UQCC1: variants seen among roughly 807,000 people sequenced by gnomAD.
The protein encoded by UQCC1 is ubiquinol-cytochrome c reductase complex assembly factor 1, also known as bFGF-repressed Zic-binding protein.
Under a neutral mutation model 48.0 loss-of-function variants are expected in UQCC1, and 38 were observed. That is an observed-to-expected ratio of 0.79 (90% CI 0.61 to 1.04). The LOEUF (loss-of-function observed/expected upper bound fraction) is 1.04. Among genes scored for constraint, UQCC1 ranks in the 50% least tolerant of loss-of-function variants. The pLI is 0.00. For synonymous variants in UQCC1, 111 were observed against 129.2 expected (o/e 0.86, Z 0.95); for missense variants, 368 against 381.8 (o/e 0.96, Z 0.30).
At chr20:35,371,722 C>T (rs1203673541) in intron 5 of UQCC1, among the ~76,000 whole-genome samples, 2 of 111,380 alleles carry the variant, frequency 1.8e-5, no homozygotes, top group African/African-American at 6.5e-5. Context: ...AAAAAAAAAA[C>T]AGGCTGGGCA....
At chr20:35,389,309 T>C (rs1412407898) in intron 2 of UQCC1, among the ~76,000 whole-genome samples, 1 of 152,054 alleles carries the variant, frequency 6.6e-6, no homozygotes, top group Non-Finnish European at 1.5e-5. Context: ...TGCTTATAAT[T>C]TGCACCTCTC....
intron 1 of UQCC1, among the ~76,000 whole-genome samples, chr20:35,400,627 C>T (rs1374555637): frequency 6.6e-6 from 1 of 152,000 alleles, no homozygotes; most frequent in Non-Finnish European, 1.5e-5. Context: ...TCCCAAGTAG[C>T]TGGGACTACA....
intron 1 of UQCC1, among the ~76,000 whole-genome samples, chr20:35,406,511 T>G (rs563456195): frequency 3.3e-4 from 50 of 152,278 alleles, no homozygotes; most frequent in African/African-American, 1.2e-3. Context: ...AAAACTATTA[T>G]TCAAAAGTGA....
At chr20:35,328,259 C>T (rs2061219013) in intron 7 of UQCC1, among the ~76,000 whole-genome samples, 1 of 152,124 alleles carries the variant, frequency 6.6e-6, no homozygotes. Flanking sequence ...ATTTTGGGCC[C>T]CAACAGCCCT....
chr20:35,319,528 T>A (rs1325075804), intron 7 of UQCC1, among the ~76,000 whole-genome samples: 2 of 152,118 alleles, frequency 1.3e-5, no homozygotes, highest in African/African-American at 2.4e-5. Context: ...ACTTAACACA[T>A]ACTACAAATA....
intron 1 of UQCC1, among the ~76,000 whole-genome samples, chr20:35,410,471 G>T (rs2146559121): frequency 6.6e-6 from 1 of 150,858 alleles, no homozygotes; most frequent in Non-Finnish European, 1.5e-5. Flanking sequence ...GGCAGAGGTT[G>T]CAGTGAGCCG....
chr20:35,382,037 A>G lies in UQCC1; in HGVS notation c.226-12T>C, dbSNP rs2061876239. ...TTGGTAGTAGAAAGCTGATTAACCA[A>G]AAAGAAAAAAACTAAAATTAGTTGC... On this transcript the variant is annotated splice_polypyrimidine_tract_variant and intron_variant, in intron 3 of 9. Transcript: ENST00000374385. 1 of 1,561,850 alleles carries G rather than the reference A, an allele frequency of 6.4e-7. No individual in the cohort carries two copies. Among genetic ancestry groups the G allele is most frequent in the East Asian group, 2.2e-5 (1 of 44,664 alleles).
chr20:35,326,551 G>A (rs1349232363), intron 7 of UQCC1, among the ~76,000 whole-genome samples: 1 of 152,080 alleles, frequency 6.6e-6, no homozygotes, highest in African/African-American at 2.4e-5. Flanking sequence ...AACACACCAG[G>A]GCCTAGGAGC....
At chr20:35,352,467 A>G (rs541740426) in intron 6 of UQCC1, among the ~76,000 whole-genome samples, 1 of 152,316 alleles carries the variant, frequency 6.6e-6, no homozygotes, top group African/African-American at 2.4e-5. Flanking sequence ...CCCAGCCTCA[A>G]TCCTATAATT....
intron 5 of UQCC1, among the ~76,000 whole-genome samples, chr20:35,368,893 G>T (rs1234346459): frequency 6.6e-6 from 1 of 152,214 alleles, no homozygotes; most frequent in African/African-American, 2.4e-5. Context: ...ATCTGAGAAT[G>T]GGCCAACCAC....
chr20:35,375,176 G>A (rs771117023), intron 4 of UQCC1, among the ~76,000 whole-genome samples: 7 of 152,188 alleles, frequency 4.6e-5, no homozygotes, highest in Non-Finnish European at 8.8e-5. Flanking sequence ...AATGTGTACA[G>A]GCTGAGAATG....
At chr20:35,337,103 T>C (rs957613270) in intron 7 of UQCC1, among the ~76,000 whole-genome samples, 29 of 152,192 alleles carry the variant, frequency 1.9e-4, no homozygotes. Context: ...GAGCAGTGGT[T>C]CTCAAACTAG....
At chr20:35,344,395 G>C (rs2146381003) in intron 7 of UQCC1, 1 of 152,498 alleles carries the variant, frequency 6.6e-6, no homozygotes, top group Non-Finnish European at 1.5e-5. Context: ...AAGCTATTCA[G>C]GATAGAGACA....
intron 6 of UQCC1, among the ~76,000 whole-genome samples, chr20:35,352,076 T>G (rs2061495489): frequency 6.6e-6 from 1 of 152,256 alleles, no homozygotes; most frequent in Admixed American, 6.5e-5. Context: ...CAATGAAGTT[T>G]AAAAGGATGA....
intron 7 of UQCC1, among the ~76,000 whole-genome samples, chr20:35,343,237 T>C (rs1002938612): frequency 1.2e-4 from 18 of 151,880 alleles, no homozygotes; most frequent in Non-Finnish European, 2.2e-4. Flanking sequence ...CTTCAAACCA[T>C]AGATTTTCAA....
chr20:35,382,802 G>A (rs925876802), intron 3 of UQCC1, among the ~76,000 whole-genome samples: 7 of 151,946 alleles, frequency 4.6e-5, no homozygotes, highest in Admixed American at 2.0e-4. Flanking sequence ...GAGCCACCGC[G>A]CCCGGCCTAA....
chr20:35,400,069 C>G (rs948719714), intron 1 of UQCC1, among the ~76,000 whole-genome samples: 16 of 151,210 alleles, frequency 1.1e-4, no homozygotes, highest in Non-Finnish European at 1.5e-5. Context: ...GGGACTAGAG[C>G]GGCGCGCTAC....
intron 2 of UQCC1, chr20:35,392,195 T>C (rs1160468893): frequency 1.6e-6 from 2 of 1,283,460 alleles, no homozygotes; most frequent in East Asian, 5.6e-5. Flanking sequence ...CAAAACTCTT[T>C]CTCATTCTGA....
At position 35,347,258 on chromosome 20, in the gene UQCC1, C is replaced by G. The variant is rs770021476; in HGVS notation, c.479G>C (p.Arg160Pro). 7 of 1,614,000 alleles carry G rather than the reference C, an allele frequency of 4.3e-6. No individual in the cohort carries two copies. Among genetic ancestry groups the G allele is most frequent in the Non-Finnish European group, 5.9e-6 (7 of 1,180,034 alleles). The change falls in exon 7 of 10, where the codon CGA becomes CCA. Residue 160 changes from arginine to proline, a missense_variant. Arg to Pro is a moderately radical substitution (Grantham distance 103). Coordinates refer to ENST00000374385, the MANE Select transcript of UQCC1 (RefSeq NM_018244.5). Reference sequence around the variant, plus strand: ...CCCACTCCGGCCTTCCTGCTTCATTCGGACTAGACACATCCTGGGTGGGAA... The same window carrying G: ...CCCACTCCGGCCTTCCTGCTTCATTGGGACTAGACACATCCTGGGTGGGAA... Reference protein sequence around the residue: ...TLLHVWMCLVRMKQEGRSGKY... With the variant: ...TLLHVWMCLVPMKQEGRSGKY...
Sources: allele counts gnomAD v4.1 joint callset (sites outside exome capture counted in the v4.1 genomes callset), GRCh38; gene constraint gnomAD v4.1.1; transcripts MANE v1.5; gene names NCBI Gene and HGNC (gene_info 2026-07-23, HGNC 2026-07-21).